Variants in DISC1 observed in about 807,000 individuals in gnomAD.
The protein encoded by DISC1 is disrupted in schizophrenia 1 protein.
A neutral mutation model predicts 84.5 loss-of-function variants in DISC1; 57 were observed. That is an observed-to-expected ratio of 0.67 (90% CI 0.55 to 0.84). The LOEUF (loss-of-function observed/expected upper bound fraction) is 0.84. Among genes scored for constraint, DISC1 ranks in the 40% least tolerant of loss-of-function variants. The pLI is 0.00. For synonymous variants in DISC1, 411 were observed against 415.2 expected (o/e 0.99, Z 0.12); for missense variants, 1,000 against 1,057.8 (o/e 0.95, Z 0.76).
chr1:231,778,056 C>T (rs111772846), intron 6 of DISC1, among the ~76,000 whole-genome samples: 1 of 151,900 alleles, frequency 6.6e-6, no homozygotes, highest in South Asian at 2.1e-4. Flanking sequence ...GTCTGTGGGC[C>T]CAAGGAAAAG....
intron 4 of DISC1, among the ~76,000 whole-genome samples, chr1:231,762,171 C>T (rs1309958069): frequency 1.8e-5 from 1 of 56,690 alleles, no homozygotes; most frequent in African/African-American, 7.4e-5. Context: ...TTCTTTCTTT[C>T]CCTTCCTTCC....
chr1:231,731,423 G>T (rs2071496908), intron 3 of DISC1, among the ~76,000 whole-genome samples: 1 of 152,190 alleles, frequency 6.6e-6, no homozygotes, highest in Non-Finnish European at 1.5e-5. Context: ...CTTCTGCATT[G>T]TTGGATCATT....
chr1:231,733,977 A>G (rs939244746), intron 3 of DISC1, among the ~76,000 whole-genome samples: 19 of 143,286 alleles, frequency 1.3e-4, no homozygotes, highest in Admixed American at 3.4e-4. Context: ...AGGAGTGGTG[A>G]TGATGATGAT....
In DISC1 at chr1:232,031,782, A is replaced by G. The variant is rs1366565344; in HGVS notation, c.2426-4910A>G. 1.3e-5 allele frequency among the ~76,000 whole-genome samples: 2 copies of G among 152,180 alleles called. No homozygotes were observed. Among genetic ancestry groups the G allele is most frequent in the African/African-American group, 4.8e-5 (2 of 41,442 alleles). On this transcript the variant is annotated intron_variant, in intron 12 of 12. Transcript: ENST00000439617. This position sits in a 1 kb window ranked among gnomAD's most constrained non-coding sequence, Gnocchi z 4.6. ...ACAGAGTTTCTGTGTACAAGCATCA[A>G]ATCCTTTGAATCAATCTTGGGTATA...
chr1:231,976,421 C>T (rs978206440), intron 10 of DISC1, among the ~76,000 whole-genome samples: 15 of 152,120 alleles, frequency 9.9e-5, no homozygotes, highest in African/African-American at 2.4e-4. Context: ...CTGAAAAAGC[C>T]GGGGTGACCT....
intron 6 of DISC1, among the ~76,000 whole-genome samples, chr1:231,786,098 C>A (rs2077838214): frequency 6.6e-6 from 1 of 151,958 alleles, no homozygotes; most frequent in Non-Finnish European, 1.5e-5. Context: ...CATGTGTCTC[C>A]TGTATATTTC....
At position 231,698,991 on chromosome 1, in the gene DISC1, C is replaced by T. The variant is rs1408084891; in HGVS notation, c.1048-2964C>T. ...AGATTGTATTAGGACAGGCTAGTAA[C>T]AGGCACTACGTTAGAGGCTCAACAC... On this transcript the variant is annotated intron_variant, in intron 2 of 12. Transcript: ENST00000439617. The surrounding 1 kb of genome is among the most constrained non-coding windows in gnomAD (Gnocchi z 4.9). Among the ~76,000 whole-genome samples, 1 of 152,208 alleles carries T rather than the reference C, an allele frequency of 6.6e-6. No homozygotes were observed. The highest frequency in any genetic ancestry group is 1.5e-5 in the Non-Finnish European group (1 of 68,036).
rs377492524 is a variant in DISC1, at chr1:231,958,895, A to G, written c.2042+7A>G. The G allele has an allele frequency of 1.7e-5, 28 of 1,611,032 alleles. No individual in the cohort carries two copies. Among genetic ancestry groups the G allele is most frequent in the Non-Finnish European group, 2.3e-5 (27 of 1,179,088 alleles). On this transcript the variant is annotated splice_region_variant and intron_variant, in intron 10 of 12. Coordinates refer to ENST00000439617, the MANE Select transcript of DISC1 (RefSeq NM_018662.3). ...TTAAGAATAAACTGTGCAGGTAAGG[A>G]TAATAATTTCTGTATTTCAGACTCC... is the stretch of plus-strand genomic sequence containing the variant.
intron 3 of DISC1, among the ~76,000 whole-genome samples, chr1:231,703,126 A>G (rs1417862964): frequency 6.6e-6 from 1 of 152,248 alleles, no homozygotes; most frequent in Non-Finnish European, 1.5e-5. Flanking sequence ...GTTCTAGGAA[A>G]TGCTGTTGCA....
chr1:231,807,366 G>C (rs920544278), intron 8 of DISC1, among the ~76,000 whole-genome samples: 3 of 152,192 alleles, frequency 2.0e-5, no homozygotes, highest in African/African-American at 7.2e-5. Flanking sequence ...TGCACTTCCA[G>C]CTCCAGCCTT....
intron 9 of DISC1, among the ~76,000 whole-genome samples, chr1:231,879,302 T>C (rs1364069526): frequency 1.3e-5 from 2 of 152,044 alleles, no homozygotes; most frequent in Non-Finnish European, 2.9e-5. Flanking sequence ...CTATTTCACC[T>C]GATCTTCGGT....
At chr1:232,000,306 A>G (rs371672157) in intron 10 of DISC1, among the ~76,000 whole-genome samples, 3 of 152,348 alleles carry the variant, frequency 2.0e-5, no homozygotes, top group South Asian at 2.1e-4. Context: ...AAAAACAGAA[A>G]TAAAAATCTC....
intron 6 of DISC1, among the ~76,000 whole-genome samples, chr1:231,777,902 A>T (rs980084642): frequency 3.3e-5 from 5 of 152,320 alleles, no homozygotes; most frequent in Non-Finnish European, 4.4e-5. Flanking sequence ...CACAGCCGTA[A>T]AAGCAGTGCC....
At chr1:231,888,278 C>G (rs1469807569) in intron 9 of DISC1, among the ~76,000 whole-genome samples, 1 of 152,134 alleles carries the variant, frequency 6.6e-6, no homozygotes, top group Non-Finnish European at 1.5e-5. Flanking sequence ...CGTGCTGGCC[C>G]TGGGCTCTCA....
At chr1:231,755,841 G>A (rs1176362179) in intron 4 of DISC1, among the ~76,000 whole-genome samples, 4 of 152,142 alleles carry the variant, frequency 2.6e-5, no homozygotes, top group Admixed American at 6.6e-5. Context: ...TCACCTGCAC[G>A]TCAGTGCCTT....
chr1:231,706,424 C>T (rs2067107366), intron 3 of DISC1, among the ~76,000 whole-genome samples: 2 of 152,186 alleles, frequency 1.3e-5, no homozygotes, highest in Admixed American at 6.5e-5. Flanking sequence ...GTTGTTCCTG[C>T]ACCTGTTTGT....
intron 1 of DISC1, among the ~76,000 whole-genome samples, chr1:231,672,761 T>A (rs192994460): frequency 2.6e-5 from 4 of 152,350 alleles, no homozygotes; most frequent in Admixed American, 2.6e-4. Context: ...TACTTGTAGA[T>A]ACTTTACCCA....
chr1:231,692,947 C>G (rs773887944), intron 1 of DISC1, among the ~76,000 whole-genome samples: 2 of 152,204 alleles, frequency 1.3e-5, no homozygotes, highest in African/African-American at 2.4e-5. Context: ...AAAATAATAA[C>G]ATTTTAATCA....
intron 6 of DISC1, among the ~76,000 whole-genome samples, chr1:231,786,806 G>A (rs1299126408): frequency 6.6e-6 from 1 of 152,060 alleles, no homozygotes; most frequent in Non-Finnish European, 1.5e-5. Flanking sequence ...ACTACTGCTT[G>A]GGCCTAGAGG....
Sources: gnomAD v4.1 joint callset for allele counts (sites outside exome capture counted in the v4.1 genomes callset) on GRCh38, gnomAD v4.1.1 for gene constraint, Gnocchi (gnomAD v3.1) non-coding constraint, MANE v1.5 for transcripts, NCBI Gene and HGNC (gene_info 2026-07-23, HGNC 2026-07-21) for gene names.